The following PRKCI variants were observed in gnomAD, a reference collection of about 807,000 sequenced individuals.
PRKCI encodes the protein protein kinase C iota type.
A neutral mutation model predicts 84.0 loss-of-function variants in PRKCI; 43 were observed. That is an observed-to-expected ratio of 0.51 (90% CI 0.40 to 0.66). The LOEUF (loss-of-function observed/expected upper bound fraction) is 0.66, where lower values mean the gene tolerates loss of function less well. Ranked by LOEUF, PRKCI falls within the 30% of genes least tolerant of loss-of-function variation. PRKCI has a pLI of 0.00. For missense variants in PRKCI, 459 were observed against 745.6 expected (o/e 0.62, Z 4.48); for synonymous variants, 216 against 234.4 (o/e 0.92, Z 0.72).
In PRKCI at chr3:170,270,293, C is replaced by CTTTTGT. The variant is rs1376391983; in HGVS notation, c.451-114_451-109dup. On this transcript the variant is annotated intron_variant, in intron 5 of 17. Transcript: ENST00000295797. ...TTATGTATGAGGAAGCTTTGTTTTG[C>CTTTTGT]TTTTGTTTTTGTTTTTGTTGTGGGC... is the stretch of plus-strand genomic sequence containing the variant. 9.7e-6 allele frequency: 9 copies of CTTTTGT among 923,288 alleles called. No homozygotes were observed. The African/African-American group carries it at 1.2e-4, about 12-fold the overall frequency. The allele number at this position is 923,288 out of a possible 1,614,324, so 57.2% of individuals were successfully genotyped here. A position where few individuals can be genotyped will look rare whatever the true frequency, so the allele number is the denominator to read the frequency against.
chr3:170,237,589 GTTAA>G (rs1191053054), intron 2 of PRKCI, among the ~76,000 whole-genome samples: 1 of 152,136 alleles, frequency 6.6e-6, no homozygotes, highest in Non-Finnish European at 1.5e-5. Context: ...ATAGTTTTCT[GTTAA>G]TTGTTATACA....
At chr3:170,273,418 C>T in intron 7 of PRKCI, 78 bp downstream of exon 7, 1 of 1,368,450 alleles carries the variant, frequency 7.3e-7, no homozygotes, top group Non-Finnish European at 1.0e-6. Flanking sequence ...CTCTCTTACC[C>T]AAGTTTAAAA....
chr3:170,225,344 A>G (rs1317608089), intron 1 of PRKCI, among the ~76,000 whole-genome samples: 2 of 152,206 alleles, frequency 1.3e-5, no homozygotes, highest in Non-Finnish European at 2.9e-5. Context: ...GGTATTACAT[A>G]GTCAGCTGCT....
chr3:170,240,761 T>TG (rs1284689500), intron 2 of PRKCI, among the ~76,000 whole-genome samples: 4 of 152,206 alleles, frequency 2.6e-5, no homozygotes, highest in Admixed American at 2.6e-4. Flanking sequence ...ATTTAATTGT[T>TG]GGAATTTTAT....
chr3:170,237,473 C>T (rs1733008335), intron 2 of PRKCI, among the ~76,000 whole-genome samples: 1 of 152,142 alleles, frequency 6.6e-6, no homozygotes, highest in African/African-American at 2.4e-5. Flanking sequence ...TCTCAGAAGT[C>T]ACCACTAAAA....
At chr3:170,295,627 G>A (rs555834262) in intron 14 of PRKCI, among the ~76,000 whole-genome samples, 1 of 149,660 alleles carries the variant, frequency 6.7e-6, no homozygotes, top group South Asian at 2.1e-4. Context: ...AGTGAGCTGA[G>A]ATCGTGCCAC....
intron 4 of PRKCI, among the ~76,000 whole-genome samples, chr3:170,264,150 T>C (rs998185777): frequency 8.5e-5 from 13 of 152,092 alleles, no homozygotes; most frequent in African/African-American, 2.9e-4. Flanking sequence ...TGCACAGTTA[T>C]ACATAACAAA....
intron 10 of PRKCI, chr3:170,281,531 A>G: frequency 2.4e-6 from 1 of 416,016 alleles, no homozygotes; most frequent in Non-Finnish European, 4.2e-6. Flanking sequence ...TATCCCCAGT[A>G]TTCTAGTTTT....
intron 17 of PRKCI, 75 bp downstream of exon 17, chr3:170,299,185 C>A (rs1734761982): frequency 4.1e-6 from 3 of 732,522 alleles, no homozygotes; most frequent in Non-Finnish European, 6.5e-6. Flanking sequence ...TGCAATGTTT[C>A]ATTATCAGAT....
chr3:170,292,942 G>A (rs892588502), intron 13 of PRKCI, among the ~76,000 whole-genome samples: 29 of 150,170 alleles, frequency 1.9e-4, no homozygotes, highest in African/African-American at 4.2e-4. Flanking sequence ...TCGGGAGGCC[G>A]AGGCAGGAGA....
At chr3:170,271,572 T>G (rs1466209258) in intron 6 of PRKCI, among the ~76,000 whole-genome samples, 1 of 152,172 alleles carries the variant, frequency 6.6e-6, no homozygotes, top group Non-Finnish European at 1.5e-5. Context: ...TCTTCATTTC[T>G]CTCTCTTCTT....
At chr3:170,258,679 C>A (rs1223443230) in intron 2 of PRKCI, among the ~76,000 whole-genome samples, 1 of 152,124 alleles carries the variant, frequency 6.6e-6, no homozygotes, top group Non-Finnish European at 1.5e-5. Flanking sequence ...AGTTGTCTGG[C>A]TAGTTGGGTA....
In PRKCI at chr3:170,225,882, AT is replaced by A. The variant is rs566431127; in HGVS notation, c.101+3119del. 2.9e-3 allele frequency among the ~76,000 whole-genome samples: 447 copies of A among 151,542 alleles called. 1 individual carries two copies. Among genetic ancestry groups the A allele is most frequent in the African/African-American group, 9.8e-3 (404 of 41,414 alleles). ...ATCTCTCTAGATCTAATAACATTTAATTTTTTTCTAATTTTTATTTTATTTT... is the reference window on the plus strand; with the variant it reads ...ATCTCTCTAGATCTAATAACATTTAATTTTTTCTAATTTTTATTTTATTTT... On this transcript the variant is annotated intron_variant, in intron 1 of 17. Coordinates refer to ENST00000295797, the MANE Select transcript of PRKCI (RefSeq NM_002740.6).
chr3:170,286,302 A>T (rs1287310138), intron 12 of PRKCI, among the ~76,000 whole-genome samples: 1 of 152,094 alleles, frequency 6.6e-6, no homozygotes, highest in Non-Finnish European at 1.5e-5. Flanking sequence ...CTATGTACCT[A>T]TCACTTATAT....
At chr3:170,288,352 T>G (rs749526025) in intron 12 of PRKCI, among the ~76,000 whole-genome samples, 7 of 152,260 alleles carry the variant, frequency 4.6e-5, no homozygotes, top group Non-Finnish European at 8.8e-5. Context: ...ACAGGGATCC[T>G]CAATCAAGTT....
intron 12 of PRKCI, among the ~76,000 whole-genome samples, chr3:170,285,078 C>CTTTTTTT (rs199832004): frequency 2.3e-5 from 3 of 129,820 alleles, no homozygotes; most frequent in African/African-American, 2.8e-5. Context: ...GTCTTCATTT[C>CTTTTTTT]TTTTTTTTTT....
chr3:170,230,621 C>T (rs1732761854), intron 1 of PRKCI, among the ~76,000 whole-genome samples: 1 of 152,212 alleles, frequency 6.6e-6, no homozygotes, highest in African/African-American at 2.4e-5. Context: ...TGAGCCACTG[C>T]GCCTGGCTTA....
In PRKCI at chr3:170,275,345, G is replaced by A. The variant is rs1165526973; in HGVS notation, c.705+58G>A. 9 of 1,510,042 alleles carry A rather than the reference G, an allele frequency of 6.0e-6. No individual in the cohort carries two copies. The East Asian group carries it at 9.4e-5, about 16-fold the overall frequency. 93.5% of individuals were successfully genotyped at this position (1,510,042 alleles called of 1,614,324 possible). On this transcript the variant is annotated intron_variant, in intron 8 of 17. Transcript: ENST00000295797. ...ATTAGCTTTTTAATAAGGCTCAGGA[G>A]TTTAAAAGTATGACATATTGACCTG...
chr3:170,279,299 G>A (rs1019853313), intron 8 of PRKCI, among the ~76,000 whole-genome samples: 8 of 152,200 alleles, frequency 5.3e-5, no homozygotes, highest in African/African-American at 1.9e-4. Context: ...CCTAAGTGCT[G>A]AAAATACAGG....
Sources: gnomAD v4.1 joint callset for allele counts (sites outside exome capture counted in the v4.1 genomes callset) on GRCh38, gnomAD v4.1.1 for gene constraint, MANE v1.5 for transcripts, NCBI Gene and HGNC (gene_info 2026-07-23, HGNC 2026-07-21) for gene names.